Variants in RMST observed in about 807,000 individuals in gnomAD.
RMST encodes rhabdomyosarcoma 2 associated transcript.
chr12:97,558,763 G>A (rs1883889315), intron 11 of RMST, among the ~76,000 whole-genome samples: 1 of 152,132 alleles, frequency 6.6e-6, no homozygotes, highest in African/African-American at 2.4e-5. Context: ...CAGGGAAGGG[G>A]CTTGGTTATT....
intron 10 of RMST, among the ~76,000 whole-genome samples, chr12:97,512,997 C>T (rs1256731274): frequency 6.6e-6 from 1 of 152,248 alleles, no homozygotes; most frequent in Non-Finnish European, 1.5e-5. Flanking sequence ...TGCTAAGCCC[C>T]TCACTGCCTG....
At chr12:97,496,666 CTT>C (rs1877453777) in intron 10 of RMST, among the ~76,000 whole-genome samples, 2 of 152,088 alleles carry the variant, frequency 1.3e-5, no homozygotes, top group African/African-American at 4.8e-5. Context: ...TTGTCACTCT[CTT>C]GTGTTGGATG....
intron 10 of RMST, among the ~76,000 whole-genome samples, chr12:97,518,422 T>G (rs1424273272): frequency 6.6e-6 from 1 of 152,198 alleles, no homozygotes; most frequent in Non-Finnish European, 1.5e-5. Context: ...GTCCTTTAAC[T>G]ATATCCTTTA....
At chr12:97,519,694 C>A (rs1214266063) in intron 10 of RMST, among the ~76,000 whole-genome samples, 1 of 152,130 alleles carries the variant, frequency 6.6e-6, no homozygotes, top group Non-Finnish European at 1.5e-5. Context: ...TACAACATAA[C>A]TTTTTTGTGA....
intron 5 of RMST, among the ~76,000 whole-genome samples, chr12:97,485,584 T>C (rs1875996077): frequency 6.6e-6 from 1 of 152,240 alleles, no homozygotes; most frequent in Non-Finnish European, 1.5e-5. Flanking sequence ...ATGCCAAGCA[T>C]CTGCCTGATA....
chr12:97,536,754 C>T (rs1057017822), intron 11 of RMST, among the ~76,000 whole-genome samples: 2 of 151,386 alleles, frequency 1.3e-5, no homozygotes, highest in Admixed American at 1.3e-4. Flanking sequence ...GTATATTATA[C>T]ACAAATAATC....
At chr12:97,529,432 C>T (rs890697373) in intron 10 of RMST, among the ~76,000 whole-genome samples, 11 of 152,018 alleles carry the variant, frequency 7.2e-5, no homozygotes, top group Non-Finnish European at 1.6e-4. Context: ...GTGTTGTGTT[C>T]GGCAGCCAAA....
rs184364130 is a variant in RMST, at chr12:97,485,247, A to G, written n.645-7214A>G. Among the ~76,000 whole-genome samples, 407 of 152,306 alleles carry G rather than the reference A, an allele frequency of 2.7e-3. 7 individuals carry two copies. The highest frequency in any genetic ancestry group is 9.4e-3 in the African/African-American group (389 of 41,582). ...CATCCATTTCTCTAGTAAATTAGCC[A>G]CTGATAATCATAATTATGACCCTTA... On this transcript the variant is annotated intron_variant and non_coding_transcript_variant, in intron 5 of 13. Transcript: ENST00000640149.
intron 10 of RMST, among the ~76,000 whole-genome samples, chr12:97,507,158 A>G (rs1032944922): frequency 3.3e-5 from 5 of 151,924 alleles, no homozygotes; most frequent in Non-Finnish European, 5.9e-5. Flanking sequence ...AAGCAAAGAC[A>G]TCTGGATTTT....
intron 5 of RMST, among the ~76,000 whole-genome samples, chr12:97,469,321 T>C (rs566671992): frequency 6.6e-6 from 1 of 152,056 alleles, no homozygotes; most frequent in East Asian, 1.9e-4. Context: ...TTGATATGTA[T>C]TTAGAAAGTC....
At chr12:97,535,954 T>G (rs1170888546) in intron 11 of RMST, among the ~76,000 whole-genome samples, 1 of 151,608 alleles carries the variant, frequency 6.6e-6, no homozygotes, top group South Asian at 2.1e-4. Context: ...ATCATTAGGC[T>G]TTTTAAAAAA....
chr12:97,557,013 G>A (rs1883754858), intron 11 of RMST, among the ~76,000 whole-genome samples: 1 of 151,932 alleles, frequency 6.6e-6, no homozygotes, highest in South Asian at 2.1e-4. Context: ...CTTAAAACAA[G>A]GTGCTTAACG....
intron 5 of RMST, among the ~76,000 whole-genome samples, chr12:97,472,110 A>AAC (rs1157181012): frequency 6.6e-6 from 1 of 152,138 alleles, no homozygotes; most frequent in Non-Finnish European, 1.5e-5. Flanking sequence ...CACGAATAAT[A>AAC]CCATTCCATT....
intron 10 of RMST, among the ~76,000 whole-genome samples, chr12:97,514,773 C>G (rs148041607): frequency 6.6e-6 from 1 of 151,322 alleles, no homozygotes; most frequent in Non-Finnish European, 1.5e-5. Flanking sequence ...AGTGAGACAA[C>G]CTTGGGACTT....
intron 10 of RMST, among the ~76,000 whole-genome samples, chr12:97,524,989 G>C (rs773515156): frequency 1.3e-5 from 2 of 152,168 alleles, no homozygotes; most frequent in Non-Finnish European, 2.9e-5. Context: ...AGCCCCATTA[G>C]AGGCCCTTAG....
chr12:97,475,935 G>A (rs2136403417), intron 5 of RMST, among the ~76,000 whole-genome samples: 2 of 152,268 alleles, frequency 1.3e-5, no homozygotes, highest in South Asian at 4.1e-4. Flanking sequence ...CACCCACGTT[G>A]CTGCATCACA....
chr12:97,540,287 C>T (rs1490673196), intron 11 of RMST, among the ~76,000 whole-genome samples: 2 of 151,742 alleles, frequency 1.3e-5, no homozygotes, highest in Non-Finnish European at 3.0e-5. Flanking sequence ...CCATTTGTAA[C>T]TGTCAATCAC....
intron 5 of RMST, among the ~76,000 whole-genome samples, chr12:97,490,895 G>GACTGAAC (rs1467167157): frequency 6.6e-6 from 1 of 152,178 alleles, no homozygotes; most frequent in African/African-American, 2.4e-5. Flanking sequence ...GCAACAGAGT[G>GACTGAAC]ACTGAACACT....
intron 11 of RMST, among the ~76,000 whole-genome samples, chr12:97,559,293 C>G (rs1426828096): frequency 2.6e-5 from 4 of 152,156 alleles, no homozygotes; most frequent in Non-Finnish European, 4.4e-5. Context: ...ATCTGCCACG[C>G]AGAGTTCATC....
Sources: gnomAD v4.1 joint callset for allele counts (sites outside exome capture counted in the v4.1 genomes callset) on GRCh38, gnomAD v4.1.1 for gene constraint, MANE v1.5 for transcripts, NCBI Gene and HGNC (gene_info 2026-07-23, HGNC 2026-07-21) for gene names.